The following TTC39A variants were observed in gnomAD, a reference collection of about 807,000 sequenced individuals.
The protein encoded by TTC39A is tetratricopeptide repeat protein 39A.
Under a neutral mutation model 82.3 loss-of-function variants are expected in TTC39A, and 46 were observed. The observed-to-expected ratio is 0.56, with a 90% CI of 0.44 to 0.71. TTC39A has a LOEUF of 0.71. TTC39A is among the 30% of genes least tolerant of loss of function. The pLI, the probability that TTC39A is intolerant of heterozygous loss-of-function variation, is 0.00. For missense variants in TTC39A, 543 were observed against 712.9 expected, an observed-to-expected ratio of 0.76 and a Z score of 2.71; for synonymous variants, 254 against 275.2, an observed-to-expected ratio of 0.92 and a Z score of 0.76.
Position 51,294,517 on chromosome 1 carries a change from A to G in TTC39A, c.1146-6T>C, listed in dbSNP as rs555199922. The G allele has an allele frequency of 1.5e-4, 239 of 1,613,884 alleles. 4 individuals carry two copies. The South Asian group carries it at 2.6e-3, about 17-fold the overall frequency. On this transcript the variant is annotated splice_region_variant and splice_polypyrimidine_tract_variant and intron_variant, in intron 13 of 17. Transcript: ENST00000680483. The surrounding 1 kb of genome is among the most constrained non-coding windows in gnomAD (Gnocchi z 4.3). The stretch of plus-strand genomic sequence containing the variant: ...GCTTCAGGCCTGGCACAGCTCTGCG[A>G]AAGAGATGGGGAGGGTGGGAGAGGA...
At chr1:51,315,079 C>T (rs2148245312) in intron 2 of TTC39A, among the ~76,000 whole-genome samples, 1 of 152,286 alleles carries the variant, frequency 6.6e-6, no homozygotes, top group South Asian at 2.1e-4. Flanking sequence ...CTTCCTCTCC[C>T]ACTGCAGGTC....
At chr1:51,320,396 CTTTTT>C (rs914211036) in intron 2 of TTC39A, among the ~76,000 whole-genome samples, 7 of 141,696 alleles carry the variant, frequency 4.9e-5, no homozygotes, top group African/African-American at 1.3e-4. Context: ...CTTTTCTTTT[CTTTTT>C]TTCTTTTTCT....
intron 2 of TTC39A, among the ~76,000 whole-genome samples, chr1:51,320,233 T>G (rs1645446695): frequency 6.6e-6 from 1 of 152,138 alleles, no homozygotes; most frequent in South Asian, 2.1e-4. Context: ...ATGGAGTGGT[T>G]ATAAAGACTT....
At chr1:51,331,088 A>T, upstream of TTC39A, 1 of 1,092,930 alleles carries the variant, frequency 9.1e-7, no homozygotes, top group Non-Finnish European at 1.4e-6. Flanking sequence ...TGATCCCCAT[A>T]ATTGCTATTT....
At chr1:51,337,810 G>A (rs2148320801) in intron 1 of TTC39A, among the ~76,000 whole-genome samples, 1 of 152,250 alleles carries the variant, frequency 6.6e-6, no homozygotes, top group East Asian at 1.9e-4. Context: ...TTGTTGTCAA[G>A]TGACATCTTT....
At chr1:51,322,282 T>A (rs1645559032) in intron 1 of TTC39A, 1 of 1,437,600 alleles carries the variant, frequency 7.0e-7, no homozygotes, top group East Asian at 2.6e-5. Context: ...ATCCCTGACG[T>A]TGTCACAATG....
chr1:51,303,035 C>T, intron 9 of TTC39A, 49 bp downstream of exon 9: 2 of 1,507,260 alleles, frequency 1.3e-6, no homozygotes, highest in Non-Finnish European at 9.0e-7. Context: ...TCTCCTTCCC[C>T]CTTGGAGACG....
At chr1:51,333,796 A>G (rs1033543059), upstream of TTC39A, among the ~76,000 whole-genome samples, 1 of 152,154 alleles carries the variant, frequency 6.6e-6, no homozygotes, top group Non-Finnish European at 1.5e-5. Context: ...GGTCCAGTTC[A>G]TCTCTGTGTC....
chr1:51,302,648 G>A, intron 9 of TTC39A, 75 bp from the exon 10 acceptor site: 1 of 1,508,360 alleles, frequency 6.6e-7, no homozygotes, highest in South Asian at 1.2e-5. Flanking sequence ...CAACCCAGCA[G>A]GGGCTTCCCA....
chr1:51,312,243 C>T (rs1645112881), intron 3 of TTC39A, 48 bp from the exon 4 acceptor site: 5 of 1,524,174 alleles, frequency 3.3e-6, no homozygotes, highest in Non-Finnish European at 4.5e-6. Context: ...AGAGAGGCCA[C>T]ACTTGTCTCT....
In TTC39A at chr1:51,321,779, C is replaced by T. The variant is rs756213915; in HGVS notation, c.88G>A (p.Ala30Thr). 5.6e-6 allele frequency: 9 copies of T among 1,613,916 alleles called. No homozygotes were observed. The highest frequency in any genetic ancestry group is 1.7e-5 in the Admixed American group (1 of 60,024). Residue 30 changes from alanine (A) to threonine (T), a missense_variant, in exon 2 of 18, where the codon GCC becomes ACC. Coordinates refer to ENST00000680483, the MANE Select transcript of TTC39A (RefSeq NM_001297663.2). This position sits in a 1 kb window ranked among gnomAD's most constrained non-coding sequence, Gnocchi z 4.6. ...TGGTTGGTGAGGAAGAGGTCCAGGG[C>T]GGTCATGCACTGGTCCAGGGCCTCA... ...LHEALDQCMT[A>T]LDLFLTNQFS...
Position 51,302,337 on chromosome 1 carries a change from C to G in TTC39A, c.891+20G>C. 6.3e-7 allele frequency: 1 copy of G among 1,589,760 alleles called. No homozygotes were observed. Among genetic ancestry groups the G allele is most frequent in the Non-Finnish European group, 8.6e-7 (1 of 1,168,402 alleles). On this transcript the variant is annotated intron_variant, in intron 11 of 17. Transcript: ENST00000680483. ...GACCCCGAGGGATCCCCAGCCCCGG[C>G]CCGGACCCCCATCACTCACTGCATC...
intron 1 of TTC39A, chr1:51,322,189 C>A (rs771877106): frequency 1.3e-6 from 2 of 1,512,646 alleles, no homozygotes; most frequent in Admixed American, 2.2e-5. Context: ...CCAGGGGGTG[C>A]AGCCCAGCCA....
chr1:51,324,072 T>A (rs1333882881), intron 1 of TTC39A, among the ~76,000 whole-genome samples: 1 of 152,228 alleles, frequency 6.6e-6, no homozygotes, highest in African/African-American at 2.4e-5. Context: ...GTTACTTTTT[T>A]AAGTTTATGG....
chr1:51,344,446 C>T (rs752184113), intron 1 of TTC39A, among the ~76,000 whole-genome samples: 26 of 152,088 alleles, frequency 1.7e-4, no homozygotes, highest in Non-Finnish European at 3.4e-4. Flanking sequence ...GTGGCTGACA[C>T]ACCCTGGAGG....
chr1:51,326,534 A>G (rs60309191), intron 1 of TTC39A, among the ~76,000 whole-genome samples: 4,686 of 152,216 alleles, frequency 0.031, 249 homozygotes, highest in African/African-American at 0.11. Flanking sequence ...CCAACCACCC[A>G]TCGCCACAAA....
intron 1 of TTC39A, among the ~76,000 whole-genome samples, chr1:51,340,621 A>C (rs1448088989): frequency 6.6e-6 from 1 of 152,160 alleles, no homozygotes; most frequent in African/African-American, 2.4e-5. Flanking sequence ...TGGTTGAAGG[A>C]AGCACCAGTC....
chr1:51,342,667 T>C (rs1646051479), intron 1 of TTC39A, among the ~76,000 whole-genome samples: 1 of 152,176 alleles, frequency 6.6e-6, no homozygotes, highest in African/African-American at 2.4e-5. Flanking sequence ...GTTTGAGCCT[T>C]GGGTGTGAGA....
Position 51,330,343 on chromosome 1 carries a change from G to A in TTC39A, c.41+94C>T. 3.3e-6 allele frequency: 3 copies of A among 917,068 alleles called. No homozygotes were observed. The highest frequency in any genetic ancestry group is 3.9e-6 in the Non-Finnish European group (3 of 769,420). 56.8% of individuals were successfully genotyped at this position (917,068 alleles called of 1,614,324 possible). ...GGAAGCCGCAGTGCGGCCCCAGGCCGGTGCGCGGGGGGAGGCCTGGCGCGG... is the reference window on the plus strand; with the variant it reads ...GGAAGCCGCAGTGCGGCCCCAGGCCAGTGCGCGGGGGGAGGCCTGGCGCGG... On this transcript the variant is annotated intron_variant, in intron 1 of 17. Transcript: ENST00000680483. The surrounding 1 kb of genome is among the most constrained non-coding windows in gnomAD (Gnocchi z 4.5).
Sources: gnomAD v4.1 joint callset for allele counts (sites outside exome capture counted in the v4.1 genomes callset) on GRCh38, gnomAD v4.1.1 for gene constraint, Gnocchi (gnomAD v3.1) non-coding constraint, MANE v1.5 for transcripts, NCBI Gene and HGNC (gene_info 2026-07-23, HGNC 2026-07-21) for gene names.